KLF8: variants seen among roughly 807,000 people sequenced by gnomAD.
KLF8 encodes KLF transcription factor 8.
In KLF8, 10 loss-of-function variants were observed where a neutral mutation model predicts 18.2. That is an observed-to-expected ratio of 0.55 (90% CI 0.34 to 0.93). The LOEUF is 0.93. Among genes scored for constraint, KLF8 ranks in the 40% least tolerant of loss-of-function variants. KLF8 has a pLI of 0.02. For missense variants in KLF8, 264 were observed against 277.9 expected (o/e 0.95, Z 0.36); for synonymous variants, 109 against 97.3 (o/e 1.12, Z -0.71).
chrX:55,983,113 G>A, the KLF8 span, among the ~76,000 whole-genome samples: 1 of 111,398 alleles, frequency 9.0e-6, no homozygotes, highest in Non-Finnish European at 1.9e-5. Flanking sequence ...TCTGGCTCAT[G>A]GGTCTCCAGT....
the KLF8 span, among the ~76,000 whole-genome samples, chrX:55,912,438 A>G: frequency 9.0e-6 from 1 of 111,571 alleles, no homozygotes; most frequent in Non-Finnish European, 1.9e-5. Context: ...TGCAGAATTT[A>G]CAATCACTGT....
the KLF8 span, among the ~76,000 whole-genome samples, chrX:56,176,269 C>T: frequency 6.3e-5 from 7 of 111,726 alleles, no homozygotes; most frequent in Admixed American, 3.8e-4. Context: ...TTTAGTGCTT[C>T]CTTCAGGAGT....
At chrX:55,980,377 T>C in the KLF8 span, among the ~76,000 whole-genome samples, 1 of 111,581 alleles carries the variant, frequency 9.0e-6, no homozygotes, top group Non-Finnish European at 1.9e-5. Context: ...ATGGGGACAA[T>C]ATGATCACAC....
the KLF8 span, among the ~76,000 whole-genome samples, chrX:56,158,963 C>G: frequency 9.0e-6 from 1 of 111,622 alleles, no homozygotes; most frequent in African/African-American, 3.3e-5. Flanking sequence ...CTGTCTTGTG[C>G]CAGTTTTCAA....
chrX:56,045,155 T>A, the KLF8 span, among the ~76,000 whole-genome samples: 1 of 111,776 alleles, frequency 8.9e-6, no homozygotes. Flanking sequence ...GAATAGGGTG[T>A]CCTTTCTTCA....
the KLF8 span, among the ~76,000 whole-genome samples, chrX:56,174,894 A>T: frequency 1.8e-5 from 2 of 111,773 alleles, no homozygotes; most frequent in African/African-American, 3.3e-5. Flanking sequence ...AGATGTGTTT[A>T]TACCATTCTC....
chrX:55,919,950 C>G, the KLF8 span, among the ~76,000 whole-genome samples: 1 of 111,890 alleles, frequency 8.9e-6, no homozygotes, highest in Non-Finnish European at 1.9e-5. Context: ...TGGCTGGAGG[C>G]CAACCAACAC....
At chrX:56,066,041 C>T in the KLF8 span, among the ~76,000 whole-genome samples, 2 of 111,415 alleles carry the variant, frequency 1.8e-5, no homozygotes, top group Non-Finnish European at 3.8e-5. Flanking sequence ...TCACCATTTG[C>T]CCAAGTGGGT....
At chrX:56,139,334 C>T in the KLF8 span, among the ~76,000 whole-genome samples, 4 of 111,599 alleles carry the variant, frequency 3.6e-5, no homozygotes, top group African/African-American at 1.3e-4. Flanking sequence ...GAAAAGAGCT[C>T]GAACGGCCAA....
the KLF8 span, among the ~76,000 whole-genome samples, chrX:56,213,260 A>G: frequency 3.3e-5 from 3 of 90,144 alleles, no homozygotes; most frequent in Non-Finnish European, 6.6e-5. Flanking sequence ...TTTTAAAATG[A>G]CCTATTTCTT....
At chrX:56,197,862 C>T in the KLF8 span, among the ~76,000 whole-genome samples, 2 of 111,904 alleles carry the variant, frequency 1.8e-5, no homozygotes, top group East Asian at 5.5e-4. Context: ...AAACCGAATC[C>T]AGCAGCACAT....
At chrX:56,205,483 A>G in the KLF8 span, among the ~76,000 whole-genome samples, 1 of 111,830 alleles carries the variant, frequency 8.9e-6, no homozygotes, top group Non-Finnish European at 1.9e-5. Context: ...TTTGCACACA[A>G]TTCACCATCA....
intron 1 of KLF8, chrX:56,242,999 A>G: frequency 2.0e-6 from 1 of 496,483 alleles, no homozygotes; most frequent in Non-Finnish European, 3.7e-6. Flanking sequence ...AGTCGAACGT[A>G]TGCCTTCTTC....
chrX:56,152,103 G>A, the KLF8 span, among the ~76,000 whole-genome samples: 9 of 111,225 alleles, frequency 8.1e-5, no homozygotes, highest in Non-Finnish European at 1.1e-4. Flanking sequence ...ATACACAATG[G>A]GTTTTTATAA....
At chrX:56,068,061 G>C in the KLF8 span, among the ~76,000 whole-genome samples, 3 of 112,223 alleles carry the variant, frequency 2.7e-5, no homozygotes, top group African/African-American at 9.7e-5. Context: ...TCTCCCTTTT[G>C]TGTGAACTCA....
At chrX:56,029,843 G>A in the KLF8 span, among the ~76,000 whole-genome samples, 1 of 111,796 alleles carries the variant, frequency 8.9e-6, no homozygotes, top group Admixed American at 9.4e-5. Flanking sequence ...AATTGCCACA[G>A]CCAGCAAATC....
chrX:55,915,768 T>C, the KLF8 span, among the ~76,000 whole-genome samples: 4 of 111,974 alleles, frequency 3.6e-5, no homozygotes, highest in Admixed American at 1.9e-4. Flanking sequence ...ATGTTATTTA[T>C]TCATTAATAT....
the KLF8 span, among the ~76,000 whole-genome samples, chrX:56,126,919 A>G: frequency 9.3e-6 from 1 of 107,799 alleles, no homozygotes. Flanking sequence ...CGCCTGGCTA[A>G]TTTTTGTATT....
At chrX:55,909,471 G>A in the KLF8 span, among the ~76,000 whole-genome samples, 2 of 112,700 alleles carry the variant, frequency 1.8e-5, no homozygotes, top group Non-Finnish European at 3.8e-5. Flanking sequence ...TGAATGCCAG[G>A]TGCATTGCCT....
Sources: gnomAD v4.1 joint callset for allele counts (sites outside exome capture counted in the v4.1 genomes callset) on GRCh38, gnomAD v4.1.1 for gene constraint, MANE v1.5 for transcripts, NCBI Gene and HGNC (gene_info 2026-07-23, HGNC 2026-07-21) for gene names.